The following SYNDIG1 variants were observed in gnomAD, a reference collection of about 807,000 sequenced individuals.
The protein encoded by SYNDIG1 is synapse differentiation-inducing gene protein 1.
In SYNDIG1, 9 loss-of-function variants were observed where a neutral mutation model predicts 19.4. That is an observed-to-expected ratio of 0.46 (90% CI 0.28 to 0.81). The LOEUF (loss-of-function observed/expected upper bound fraction) is 0.81, where lower values mean the gene tolerates loss of function less well. SYNDIG1 is among the 30% of genes least tolerant of loss of function. SYNDIG1 has a pLI of 0.12. For synonymous variants in SYNDIG1, 141 were observed against 145.9 expected (o/e 0.97, Z 0.24); for missense variants, 311 against 343.3 (o/e 0.91, Z 0.74).
chr20:24,602,226 A>G (rs1219396128), intron 3 of SYNDIG1, among the ~76,000 whole-genome samples: 1 of 152,148 alleles, frequency 6.6e-6, no homozygotes, highest in South Asian at 2.1e-4. Context: ...ATTTTCTCAG[A>G]TGTTACTGAT....
intron 2 of SYNDIG1, among the ~76,000 whole-genome samples, chr20:24,549,691 G>A (rs758897662): frequency 7.2e-5 from 11 of 152,186 alleles, no homozygotes; most frequent in Non-Finnish European, 5.9e-5. Context: ...TTGCCTTTTC[G>A]CAAGGACAGA....
intron 3 of SYNDIG1, among the ~76,000 whole-genome samples, chr20:24,655,064 T>C (rs1156355274): frequency 1.3e-5 from 2 of 151,922 alleles, no homozygotes; most frequent in African/African-American, 2.4e-5. Context: ...AGGCCTGGGG[T>C]CTAGGAAACA....
chr20:24,594,694 G>A (rs1022075182), intron 3 of SYNDIG1, among the ~76,000 whole-genome samples: 3 of 152,024 alleles, frequency 2.0e-5, no homozygotes, highest in Non-Finnish European at 2.9e-5. Flanking sequence ...TGTCATCTCT[G>A]ATTTCTTCGA....
chr20:24,665,741 C>T lies in SYNDIG1; in HGVS notation c.*237C>T. 1 of 532,798 alleles carries T rather than the reference C, an allele frequency of 1.9e-6. No individual in the cohort carries two copies. Among genetic ancestry groups the T allele is most frequent in the Non-Finnish European group, 3.1e-6 (1 of 323,036 alleles). The allele number at this position is 532,798 out of a possible 1,614,324, so 33.0% of individuals were successfully genotyped here. ...CCTTCCAAAGGAAAGCTCCAAAGAT[C>T]CCAGCCCGCAAGGCTGTCTCTGGAT... On this transcript the variant is annotated 3_prime_UTR_variant, in exon 4 of 4. Transcript: ENST00000376862.
chr20:24,516,352 T>A (rs1328955269), intron 1 of SYNDIG1, among the ~76,000 whole-genome samples: 3 of 152,130 alleles, frequency 2.0e-5, no homozygotes, highest in Non-Finnish European at 4.4e-5. Flanking sequence ...TAAATTAAAG[T>A]GCTTCTGCAC....
At chr20:24,601,604 G>T (rs2147125451) in intron 3 of SYNDIG1, among the ~76,000 whole-genome samples, 1 of 152,004 alleles carries the variant, frequency 6.6e-6, no homozygotes, top group Non-Finnish European at 1.5e-5. Context: ...TATGAATTTG[G>T]GCCTTTAAGA....
chr20:24,557,152 T>A (rs1376775202), intron 2 of SYNDIG1, among the ~76,000 whole-genome samples: 1 of 152,196 alleles, frequency 6.6e-6, no homozygotes, highest in Non-Finnish European at 1.5e-5. Flanking sequence ...GGCTTTCAGC[T>A]CCATCAGCTC....
intron 2 of SYNDIG1, among the ~76,000 whole-genome samples, chr20:24,583,103 A>C (rs759096958): frequency 1.1e-4 from 16 of 152,218 alleles, no homozygotes; most frequent in Non-Finnish European, 2.1e-4. Context: ...CTGGCTGCAC[A>C]GTGATTAGAG....
intron 3 of SYNDIG1, among the ~76,000 whole-genome samples, chr20:24,646,089 C>T (rs2059420186): frequency 6.6e-6 from 1 of 152,214 alleles, no homozygotes; most frequent in African/African-American, 2.4e-5. Flanking sequence ...AGCCCCTCTT[C>T]AGTCAGATTT....
intron 3 of SYNDIG1, among the ~76,000 whole-genome samples, chr20:24,587,188 T>G (rs927757529): frequency 6.6e-6 from 1 of 152,212 alleles, no homozygotes; most frequent in Non-Finnish European, 1.5e-5. Context: ...GGTGTAGGTG[T>G]TGCCTTCACT....
At chr20:24,507,923 T>C (rs1000570671) in intron 1 of SYNDIG1, among the ~76,000 whole-genome samples, 6 of 152,040 alleles carry the variant, frequency 3.9e-5, no homozygotes, top group African/African-American at 1.4e-4. Flanking sequence ...CCCAGGAACC[T>C]GCGCAGGGAA....
At chr20:24,625,942 G>A (rs1220744765) in intron 3 of SYNDIG1, among the ~76,000 whole-genome samples, 3 of 152,066 alleles carry the variant, frequency 2.0e-5, no homozygotes, top group African/African-American at 7.2e-5. Flanking sequence ...AGGGGTGGCC[G>A]GGCAGAGGCG....
At chr20:24,655,606 G>C (rs1291665149) in intron 3 of SYNDIG1, among the ~76,000 whole-genome samples, 1 of 152,032 alleles carries the variant, frequency 6.6e-6, no homozygotes, top group Non-Finnish European at 1.5e-5. Flanking sequence ...CATTGCTGCT[G>C]GTGTTTTACT....
At chr20:24,635,128 G>C (rs950382948) in intron 3 of SYNDIG1, among the ~76,000 whole-genome samples, 2 of 152,170 alleles carry the variant, frequency 1.3e-5, no homozygotes, top group African/African-American at 2.4e-5. Context: ...TCCAAGACTT[G>C]GGAAGGAAAG....
chr20:24,479,244 C>T (rs1205798945), intron 1 of SYNDIG1, among the ~76,000 whole-genome samples: 1 of 152,132 alleles, frequency 6.6e-6, no homozygotes, highest in Non-Finnish European at 1.5e-5. Context: ...CTTGGGAGCC[C>T]CGTCCTGATG....
chr20:24,576,767 C>A (rs1034637061), intron 2 of SYNDIG1, among the ~76,000 whole-genome samples: 3 of 152,106 alleles, frequency 2.0e-5, no homozygotes, highest in Non-Finnish European at 4.4e-5. Flanking sequence ...GCCTCCATGG[C>A]CCCCTGTCTC....
chr20:24,626,968 C>T (rs1057103981), intron 3 of SYNDIG1, among the ~76,000 whole-genome samples: 52 of 152,272 alleles, frequency 3.4e-4, no homozygotes, highest in Non-Finnish European at 5.9e-4. Flanking sequence ...CGCAGGCACT[C>T]GGCAGGCTGA....
intron 1 of SYNDIG1, among the ~76,000 whole-genome samples, chr20:24,512,174 C>T (rs968258848): frequency 1.3e-4 from 17 of 128,720 alleles, no homozygotes; most frequent in African/African-American, 2.4e-4. Flanking sequence ...CCAAGATGGC[C>T]GAATAGGAAC....
At chr20:24,526,568 T>C (rs146793448) in intron 1 of SYNDIG1, among the ~76,000 whole-genome samples, 1 of 152,030 alleles carries the variant, frequency 6.6e-6, no homozygotes, top group Non-Finnish European at 1.5e-5. Flanking sequence ...TTTATATATA[T>C]AGAGAGAGAG....
Sources: allele counts gnomAD v4.1 joint callset (sites outside exome capture counted in the v4.1 genomes callset), GRCh38; gene constraint gnomAD v4.1.1; transcripts MANE v1.5; gene names NCBI Gene and HGNC (gene_info 2026-07-23, HGNC 2026-07-21).